The following NREP variants were observed in gnomAD, a reference collection of about 807,000 sequenced individuals.
The protein encoded by NREP is neuronal regeneration-related protein.
In NREP, 5 loss-of-function variants were observed where a neutral mutation model predicts 8.6. That is an observed-to-expected ratio of 0.58 (90% confidence interval 0.30 to 1.22). NREP has a LOEUF of 1.22. Among genes scored for constraint, NREP ranks in the 50% most tolerant of loss-of-function variants. The pLI is 0.07. For synonymous variants in NREP, 27 were observed against 28.0 expected (o/e 0.96, Z 0.11); for missense variants, 86 against 82.5 (o/e 1.04, Z -0.17).
chr5:111,770,564 T>C, intron 2 of NREP, among the ~76,000 whole-genome samples: 1 of 99,210 alleles, frequency 1.0e-5, no homozygotes, highest in African/African-American at 4.3e-5. Flanking sequence ...CTTTTTTTTT[T>C]TTTTTTTTTT....
intron 2 of NREP, among the ~76,000 whole-genome samples, chr5:111,917,157 G>A (rs960429910): frequency 6.6e-6 from 1 of 152,046 alleles, no homozygotes; most frequent in African/African-American, 2.4e-5. Flanking sequence ...AGCATGCACA[G>A]TGTGTTTAAG....
At chr5:111,907,794 A>T (rs1201398802) in intron 2 of NREP, among the ~76,000 whole-genome samples, 1 of 151,978 alleles carries the variant, frequency 6.6e-6, no homozygotes, top group Non-Finnish European at 1.5e-5. Context: ...TTCTTCCAAG[A>T]AGTCTTTTAA....
Position 111,886,878 on chromosome 5 carries a change from C to T in NREP, c.135+88396G>A, listed in dbSNP as rs556486063. On this transcript the variant is annotated intron_variant, in intron 2 of 3. Coordinates refer to the NREP transcript ENST00000395634. Reference sequence around the variant, plus strand: ...AGGAGATAGACCTAATGCTAAATGACGAGTTAATGGGTGCAGCACACCAGC... The same window carrying T: ...AGGAGATAGACCTAATGCTAAATGATGAGTTAATGGGTGCAGCACACCAGC... 7.9e-4 allele frequency among the ~76,000 whole-genome samples: 120 copies of T among 151,562 alleles called. 1 individual carries two copies. Among genetic ancestry groups the T allele is most frequent in the African/African-American group, 2.0e-3 (82 of 41,262 alleles).
chr5:111,751,785 A>G (rs1377599258), intron 2 of NREP, among the ~76,000 whole-genome samples: 1 of 152,208 alleles, frequency 6.6e-6, no homozygotes, highest in Non-Finnish European at 1.5e-5. Flanking sequence ...TACCAAGATG[A>G]ATCAGACAAA....
At chr5:111,905,774 C>T (rs1177438210) in intron 2 of NREP, among the ~76,000 whole-genome samples, 2 of 151,998 alleles carry the variant, frequency 1.3e-5, no homozygotes, top group Non-Finnish European at 2.9e-5. Flanking sequence ...TTAATACATG[C>T]AGAGTATTTT....
intron 2 of NREP, among the ~76,000 whole-genome samples, chr5:111,851,378 CA>C (rs915803941): frequency 4.6e-5 from 7 of 152,118 alleles, no homozygotes; most frequent in Admixed American, 3.3e-4. Flanking sequence ...CATATGCCCC[CA>C]CAAAAGGGAA....
chr5:111,763,428 A>T (rs1751010943), intron 2 of NREP, among the ~76,000 whole-genome samples: 1 of 152,238 alleles, frequency 6.6e-6, no homozygotes, highest in Non-Finnish European at 1.5e-5. Flanking sequence ...ACTTTTGAAA[A>T]TTATGGTGCT....
intron 2 of NREP, among the ~76,000 whole-genome samples, chr5:111,955,120 T>C (rs1756272298): frequency 6.6e-6 from 1 of 152,202 alleles, no homozygotes; most frequent in Non-Finnish European, 1.5e-5. Flanking sequence ...AGACTTAAGC[T>C]ATGCCTGCCT....
chr5:111,823,723 A>G (rs990677626), intron 2 of NREP, among the ~76,000 whole-genome samples: 1 of 152,166 alleles, frequency 6.6e-6, no homozygotes, highest in African/African-American at 2.4e-5. Context: ...TCAAAATTTC[A>G]CTAAATTCTT....
At chr5:111,964,855 CAAAAAAAAAAAAAAA>C (rs58877839) in intron 2 of NREP, among the ~76,000 whole-genome samples, 894 of 44,520 alleles carry the variant, frequency 0.02, no homozygotes, top group African/African-American at 0.034. Flanking sequence ...CTTTCAGCAG[CAAAAAAAAAAAAAAA>C]AAAAAAAAAA....
chr5:111,845,179 C>T (rs1753130083), intron 2 of NREP, among the ~76,000 whole-genome samples: 1 of 152,062 alleles, frequency 6.6e-6, no homozygotes, highest in African/African-American at 2.4e-5. Context: ...TCTCCTTCCC[C>T]TACTTGGAGG....
chr5:111,878,534 T>C (rs1242115582), intron 2 of NREP, among the ~76,000 whole-genome samples: 2 of 152,180 alleles, frequency 1.3e-5, no homozygotes, highest in African/African-American at 4.8e-5. Context: ...GTGGGGATTA[T>C]GGGGATTACA....
At chr5:111,903,930 T>G (rs1754713298) in intron 2 of NREP, among the ~76,000 whole-genome samples, 1 of 152,108 alleles carries the variant, frequency 6.6e-6, no homozygotes, top group African/African-American at 2.4e-5. Flanking sequence ...TTTTTTAGAG[T>G]CAAAAGTTTT....
chr5:111,777,534 A>T (rs1751393910), intron 2 of NREP, among the ~76,000 whole-genome samples: 3 of 152,116 alleles, frequency 2.0e-5, no homozygotes. Context: ...TACATTGGGA[A>T]TGTTAGAGAG....
chr5:111,729,051 C>T (rs950674709), downstream of NREP: 1 of 150,794 alleles, frequency 6.6e-6, no homozygotes, highest in Non-Finnish European at 1.5e-5. Flanking sequence ...ATAAAAGGAT[C>T]TTGGTCTAAT....
chr5:111,827,792 G>A (rs1378829262), intron 2 of NREP, among the ~76,000 whole-genome samples: 3 of 151,912 alleles, frequency 2.0e-5, no homozygotes, highest in Admixed American at 1.3e-4. Context: ...GAAGTGAGTC[G>A]AGATGATGCC....
intron 2 of NREP, among the ~76,000 whole-genome samples, chr5:111,942,988 G>C (rs988052578): frequency 6.6e-6 from 1 of 151,654 alleles, no homozygotes; most frequent in African/African-American, 2.4e-5. Context: ...TCAATAAATG[G>C]GGTTAAAAGT....
At chr5:111,902,887 C>G (rs1754679722) in intron 2 of NREP, among the ~76,000 whole-genome samples, 1 of 151,858 alleles carries the variant, frequency 6.6e-6, no homozygotes, top group Admixed American at 6.6e-5. Context: ...GTAAAGGCAC[C>G]CATTTTTCTT....
intron 2 of NREP, among the ~76,000 whole-genome samples, chr5:111,859,029 C>T (rs556039148): frequency 2.1e-4 from 32 of 152,266 alleles, no homozygotes; most frequent in African/African-American, 7.2e-4. Flanking sequence ...TTCTACTCCA[C>T]AGCACTGCAC....
Sources: allele counts gnomAD v4.1 joint callset (sites outside exome capture counted in the v4.1 genomes callset), GRCh38; gene constraint gnomAD v4.1.1; transcripts MANE v1.5; gene names NCBI Gene and HGNC (gene_info 2026-07-23, HGNC 2026-07-21).